Variants in LGR4 observed in about 807,000 individuals in gnomAD.
LGR4 encodes leucine rich repeat containing G protein-coupled receptor 4, also known as leucine-rich repeat-containing G protein-coupled receptor 4.
A neutral mutation model predicts 84.8 loss-of-function variants in LGR4; 44 were observed. The observed-to-expected ratio is 0.52, with a 90% CI of 0.41 to 0.67. The LOEUF is 0.67. Among genes scored for constraint, LGR4 ranks in the 30% least tolerant of loss-of-function variants. LGR4 has a pLI of 0.00. For synonymous variants in LGR4, 429 were observed against 434.3 expected (o/e 0.99, Z 0.15); for missense variants, 1,032 against 1,131.4 (o/e 0.91, Z 1.26).
At chr11:27,385,950 T>A (rs1206421709) in intron 4 of LGR4, among the ~76,000 whole-genome samples, 5 of 152,162 alleles carry the variant, frequency 3.3e-5, no homozygotes, top group African/African-American at 1.2e-4. Context: ...ATACTTAAAA[T>A]TTTTGTATAG....
chr11:27,410,828 T>C (rs1425906624), intron 2 of LGR4, among the ~76,000 whole-genome samples: 1 of 152,054 alleles, frequency 6.6e-6, no homozygotes, highest in Non-Finnish European at 1.5e-5. Flanking sequence ...TAGGAGAATA[T>C]GGAGAGAATA....
intron 13 of LGR4, among the ~76,000 whole-genome samples, chr11:27,375,295 C>CT (rs1554965111): frequency 2.4e-5 from 2 of 81,648 alleles, no homozygotes; most frequent in Non-Finnish European, 5.3e-5. Context: ...GAGACCCTGT[C>CT]TCAAAAAAAA....
chr11:27,391,168 G>T lies in LGR4; in HGVS notation c.330-3C>A. ...TCAACTGATTATTCTGGAGCGTTCT[G>T]AAAGAAAATTTTTGGTTAGTGAGTA... On this transcript the variant is annotated splice_region_variant and splice_polypyrimidine_tract_variant and intron_variant, in intron 3 of 17. Coordinates refer to ENST00000379214, the MANE Select transcript of LGR4 (RefSeq NM_018490.5). 6.3e-7 allele frequency: 1 copy of T among 1,578,694 alleles called. No homozygotes were observed. Among genetic ancestry groups the T allele is most frequent in the South Asian group, 1.2e-5 (1 of 84,730 alleles).
intron 1 of LGR4, among the ~76,000 whole-genome samples, chr11:27,448,556 T>G (rs1864431730): frequency 1.3e-5 from 2 of 152,164 alleles, no homozygotes; most frequent in African/African-American, 4.8e-5. Context: ...CCTCCCAAAG[T>G]GCTAGGATTA....
At chr11:27,434,804 A>C (rs1000148953) in intron 1 of LGR4, among the ~76,000 whole-genome samples, 6 of 152,066 alleles carry the variant, frequency 3.9e-5, no homozygotes, top group Admixed American at 6.5e-5. Context: ...CACATTTATA[A>C]AACAACTCCA....
intron 2 of LGR4, among the ~76,000 whole-genome samples, chr11:27,402,856 G>A (rs1387017421): frequency 6.6e-6 from 1 of 152,086 alleles, no homozygotes; most frequent in Non-Finnish European, 1.5e-5. Flanking sequence ...TGCAGCTCCA[G>A]TACACAGTCA....
At chr11:27,453,288 C>G (rs532979046) in intron 1 of LGR4, among the ~76,000 whole-genome samples, 1 of 152,138 alleles carries the variant, frequency 6.6e-6, no homozygotes, top group Non-Finnish European at 1.5e-5. Flanking sequence ...AGGCTGGTCT[C>G]GAACTCCCAA....
At chr11:27,470,669 A>C (rs1336598270) in intron 1 of LGR4, among the ~76,000 whole-genome samples, 1 of 151,844 alleles carries the variant, frequency 6.6e-6, no homozygotes, top group East Asian at 1.9e-4. Flanking sequence ...CTTCACTGCA[A>C]AGTTAACTTT....
chr11:27,384,560 A>C (rs1863152739), intron 5 of LGR4, among the ~76,000 whole-genome samples, 153 bp from the exon 6 acceptor site: 2 of 152,200 alleles, frequency 1.3e-5, no homozygotes, highest in African/African-American at 4.8e-5. Flanking sequence ...ACCACAGAAA[A>C]CAAGTGACAT....
intron 10 of LGR4, 180 bp from the exon 11 acceptor site, chr11:27,378,948 T>C (rs1863038982): frequency 3.5e-6 from 2 of 578,624 alleles, no homozygotes; most frequent in East Asian, 2.9e-5. Flanking sequence ...AATTCTGATA[T>C]CATCTTCACA....
intron 7 of LGR4, among the ~76,000 whole-genome samples, 186 bp downstream of exon 7, chr11:27,382,002 C>A (rs932509977): frequency 6.6e-6 from 1 of 152,182 alleles, no homozygotes; most frequent in Non-Finnish European, 1.5e-5. Flanking sequence ...TAACCCTATA[C>A]ATCAATCTAT....
intron 1 of LGR4, among the ~76,000 whole-genome samples, chr11:27,433,739 T>C (rs1483874926): frequency 1.3e-5 from 2 of 152,260 alleles, no homozygotes; most frequent in African/African-American, 4.8e-5. Flanking sequence ...ATTTGCTTTA[T>C]GCTTCTCTCA....
At chr11:27,444,161 A>G (rs529504701) in intron 1 of LGR4, among the ~76,000 whole-genome samples, 23 of 152,288 alleles carry the variant, frequency 1.5e-4, no homozygotes, top group African/African-American at 5.3e-4. Flanking sequence ...TTTATTTGCA[A>G]CTGAAACACT....
chr11:27,415,524 T>C (rs1863800134), intron 1 of LGR4, among the ~76,000 whole-genome samples: 1 of 152,182 alleles, frequency 6.6e-6, no homozygotes, highest in Admixed American at 6.6e-5. Flanking sequence ...TGCTGTGAGC[T>C]GTAAATGCAA....
rs35556457 is a variant in LGR4, at chr11:27,391,235, C to CTTT, written c.330-73_330-71dup. 1,363 of 443,502 alleles carry CTTT rather than the reference C, an allele frequency of 3.1e-3. 1 individual carries two copies. The highest frequency in any genetic ancestry group is 4.2e-3 in the African/African-American group (178 of 42,558). 27.5% of individuals were successfully genotyped at this position (443,502 alleles called of 1,614,324 possible). Reference sequence around the variant, plus strand: ...ATTTTTTCTTAGAAAAATTCAGAGCCTTTTTTTTTTTTTTTTCAAAAAATA... The same window carrying CTTT: ...ATTTTTTCTTAGAAAAATTCAGAGCCTTTTTTTTTTTTTTTTTTTCAAAAAATA... On this transcript the variant is annotated intron_variant, in intron 3 of 17. Transcript: ENST00000379214.
chr11:27,443,031 T>C (rs1864329369), intron 1 of LGR4, among the ~76,000 whole-genome samples: 1 of 152,218 alleles, frequency 6.6e-6, no homozygotes, highest in East Asian at 1.9e-4. Flanking sequence ...CAGGTATTAT[T>C]AACTCCAACT....
Position 27,380,958 on chromosome 11 carries a change from T to C in LGR4, c.767A>G (p.His256Arg). 3 of 1,523,522 alleles carry C rather than the reference T, an allele frequency of 2.0e-6. No homozygotes were observed. Among genetic ancestry groups the C allele is most frequent in the South Asian group, 1.1e-5 (1 of 89,072 alleles). The allele number at this position is 1,523,522 out of a possible 1,614,324, so 94.4% of individuals were successfully genotyped here. ...AGGGATAACAGAAATAGAATTACTATGAAATCCTCTAGAAAGATAGGAGAA... is the reference window on the plus strand; with the variant it reads ...AGGGATAACAGAAATAGAATTACTACGAAATCCTCTAGAAAGATAGGAGAA... ...ALPSLKELGF[H>R]SNSISVIPDG... Residue 256 changes from histidine (H) to arginine (R), a missense_variant, in exon 8 of 18, where the codon CAT (histidine) becomes CGT (arginine). Transcript: ENST00000379214.
chr11:27,444,692 A>G (rs976703689), intron 1 of LGR4, among the ~76,000 whole-genome samples: 1 of 152,220 alleles, frequency 6.6e-6, no homozygotes, highest in African/African-American at 2.4e-5. Flanking sequence ...CCATAGCCTA[A>G]TTAAGTTTTC....
At chr11:27,373,859 A>G (rs1862929280) in intron 14 of LGR4, 116 bp downstream of exon 14, 3 of 1,020,070 alleles carry the variant, frequency 2.9e-6, no homozygotes, top group Non-Finnish European at 1.5e-6. Context: ...ACAGCTTAGC[A>G]TTTATACAAG....
Sources: allele counts gnomAD v4.1 joint callset (sites outside exome capture counted in the v4.1 genomes callset), GRCh38; gene constraint gnomAD v4.1.1; transcripts MANE v1.5; gene names NCBI Gene and HGNC (gene_info 2026-07-23, HGNC 2026-07-21).